Variants in ATP2B2 observed in about 807,000 individuals in gnomAD.
The protein encoded by ATP2B2 is plasma membrane calcium-transporting ATPase 2.
ATP2B2 carries 15 observed loss-of-function variants against 120.0 expected under a neutral mutation model. The observed-to-expected ratio is 0.12, with a 90% CI of 0.08 to 0.19. The LOEUF (loss-of-function observed/expected upper bound fraction) is 0.19, where lower values mean the gene tolerates loss of function less well. Ranked by LOEUF, ATP2B2 falls within the 10% of genes least tolerant of loss-of-function variation. The probability of loss-of-function intolerance (pLI) is 1.00; values close to 1 mark genes in which losing one functional copy is unlikely to be tolerated. For synonymous variants in ATP2B2, 694 were observed against 700.3 expected (o/e 0.99, Z 0.14); for missense variants, 1,045 against 1,719.8 (o/e 0.61, Z 6.94).
intron 1 of ATP2B2, among the ~76,000 whole-genome samples, chr3:10,702,907 C>A (rs112198839): frequency 6.6e-6 from 1 of 152,188 alleles, no homozygotes; most frequent in African/African-American, 2.4e-5. Flanking sequence ...TGTGCATTCC[C>A]CCACTCCCAT....
At position 10,409,075 on chromosome 3, in the gene ATP2B2, C is replaced by A. The variant is rs138758427; in HGVS notation, c.397+1543G>T. 9.2e-5 allele frequency among the ~76,000 whole-genome samples: 14 copies of A among 152,322 alleles called. No homozygotes were observed. In the East Asian group the frequency reaches 2.7e-3, roughly 29 times the overall value. Reference sequence around the variant, plus strand: ...TAAATGGACTTCTATCATAATAGCTCCCAACTAGTGGTAGCTATAAAAATA... The same window carrying A: ...TAAATGGACTTCTATCATAATAGCTACCAACTAGTGGTAGCTATAAAAATA... On this transcript the variant is annotated intron_variant, in intron 3 of 22. Coordinates refer to ENST00000360273, the MANE Select transcript of ATP2B2 (RefSeq NM_001001331.4).
At chr3:10,481,699 G>A (rs939512640) in intron 1 of ATP2B2, among the ~76,000 whole-genome samples, 3 of 152,118 alleles carry the variant, frequency 2.0e-5, no homozygotes, top group East Asian at 1.9e-4. Flanking sequence ...GATTACAGGC[G>A]CCCGCCACCA....
intron 2 of ATP2B2, among the ~76,000 whole-genome samples, chr3:10,560,807 C>G (rs1228691603): frequency 6.6e-6 from 1 of 152,142 alleles, no homozygotes; most frequent in Admixed American, 6.5e-5. Flanking sequence ...GGCCCTCCTG[C>G]AGTTAGATGA....
intron 2 of ATP2B2, among the ~76,000 whole-genome samples, chr3:10,544,881 T>C (rs1431953843): frequency 6.6e-6 from 1 of 152,214 alleles, no homozygotes; most frequent in Non-Finnish European, 1.5e-5. Flanking sequence ...CCTTCCAGAA[T>C]TTGTTTTTCC....
intron 2 of ATP2B2, among the ~76,000 whole-genome samples, chr3:10,443,825 A>G (rs535822798): frequency 3.3e-5 from 5 of 152,308 alleles, no homozygotes; most frequent in Admixed American, 2.0e-4. Flanking sequence ...ATTCTTCTGT[A>G]AAAGCACTTT....
rs371313013 is a variant in ATP2B2, at chr3:10,346,529, G to A, written c.2405-392C>T. Among the ~76,000 whole-genome samples the A allele has an allele frequency of 1.4e-4, 22 of 152,302 alleles. No individual in the cohort carries two copies. Among genetic ancestry groups the A allele is most frequent in the Admixed American group, 6.5e-4 (10 of 15,304 alleles). The stretch of plus-strand genomic sequence containing the variant: ...CAGGACCTCACCATCTGTTCCTCCC[G>A]ACACCACTAGCCAGCACTTTCTCCC... On this transcript the variant is annotated intron_variant, in intron 16 of 22. Coordinates refer to ENST00000360273, the MANE Select transcript of ATP2B2 (RefSeq NM_001001331.4). The surrounding 1 kb of genome is among the most constrained non-coding windows in gnomAD (Gnocchi z 4.1).
At chr3:10,475,432 G>A (rs1193824237) in intron 1 of ATP2B2, among the ~76,000 whole-genome samples, 1 of 152,222 alleles carries the variant, frequency 6.6e-6, no homozygotes, top group Non-Finnish European at 1.5e-5. Context: ...TAAGGGGAGA[G>A]GGACAACTGG....
intron 2 of ATP2B2, among the ~76,000 whole-genome samples, chr3:10,613,717 T>C (rs527262451): frequency 1.2e-4 from 18 of 151,930 alleles, no homozygotes; most frequent in Middle Eastern, 3.4e-3. Context: ...CGGATAATGG[T>C]AACATTCTCC....
At chr3:10,642,686 T>TAAAA (rs141395527) in intron 1 of ATP2B2, among the ~76,000 whole-genome samples, 2 of 125,358 alleles carry the variant, frequency 1.6e-5, no homozygotes, top group Non-Finnish European at 3.3e-5. Flanking sequence ...GAGATTTAGC[T>TAAAA]AAAAAAAAAA....
At chr3:10,681,610 C>T (rs575317730) in intron 1 of ATP2B2, among the ~76,000 whole-genome samples, 91 of 152,358 alleles carry the variant, frequency 6.0e-4, no homozygotes, top group African/African-American at 1.9e-3. Context: ...AAACAGACTT[C>T]ACAACAGGTA....
chr3:10,351,684 G>A (rs2060582493), intron 14 of ATP2B2, among the ~76,000 whole-genome samples: 1 of 152,214 alleles, frequency 6.6e-6, no homozygotes, highest in Non-Finnish European at 1.5e-5. Flanking sequence ...GGTCATTATA[G>A]TGGTAAATCC....
At chr3:10,579,457 G>C (rs973750406) in intron 2 of ATP2B2, among the ~76,000 whole-genome samples, 4 of 152,152 alleles carry the variant, frequency 2.6e-5, no homozygotes, top group Non-Finnish European at 4.4e-5. Context: ...CAGATCCCCT[G>C]AGGTCAGGAG....
intron 3 of ATP2B2, among the ~76,000 whole-genome samples, chr3:10,518,961 A>G (rs1451472252): frequency 6.6e-6 from 1 of 152,234 alleles, no homozygotes; most frequent in Non-Finnish European, 1.5e-5. Flanking sequence ...TGAGATATTC[A>G]TTCTGAGATC....
chr3:10,644,327 T>A (rs138773545), intron 1 of ATP2B2, among the ~76,000 whole-genome samples: 83 of 152,280 alleles, frequency 5.5e-4, no homozygotes, highest in Admixed American at 7.8e-4. Context: ...TAGAAAATGG[T>A]AGCTGCTAAG....
intron 2 of ATP2B2, among the ~76,000 whole-genome samples, chr3:10,602,496 T>C (rs997137080): frequency 3.3e-5 from 5 of 152,204 alleles, no homozygotes; most frequent in African/African-American, 1.2e-4. Flanking sequence ...TGAACACCTC[T>C]GACCTTCTCC....
chr3:10,542,530 C>T lies in ATP2B2; in HGVS notation c.-414-8397G>A, dbSNP rs116185136. ...CAGCCATTCTTTTAGGATAGGTCTTCTGGCAAAAAATTATCTTAGCTTTCC... is the reference window on the plus strand; with the variant it reads ...CAGCCATTCTTTTAGGATAGGTCTTTTGGCAAAAAATTATCTTAGCTTTCC... On this transcript the variant is annotated intron_variant, in intron 2 of 21. Coordinates refer to the ATP2B2 transcript ENST00000646379. Among the ~76,000 whole-genome samples, 253 of 152,248 alleles carry T rather than the reference C, an allele frequency of 1.7e-3. 3 individuals are homozygous for T. Among genetic ancestry groups the T allele is most frequent in the Admixed American group, 6.0e-3 (91 of 15,292 alleles).
Position 10,346,140 on chromosome 3 carries a change from G to A in ATP2B2, c.2405-3C>T, listed in dbSNP as rs376993624. 30 of 1,609,618 alleles carry A rather than the reference G, an allele frequency of 1.9e-5. No homozygotes were observed. In the African/African-American group the frequency reaches 3.6e-4, roughly 19 times the overall value. On this transcript the variant is annotated splice_polypyrimidine_tract_variant and splice_region_variant and intron_variant, in intron 16 of 22. Transcript: ENST00000360273. The surrounding 1 kb of genome is among the most constrained non-coding windows in gnomAD (Gnocchi z 4.1). ...AGTGTGTGTGCTGTCGATGATGCCT[G>A]TTGGGGCAGGAGTGTGCTCAGGCCC...
chr3:10,651,411 G>A (rs2125666316), intron 1 of ATP2B2, among the ~76,000 whole-genome samples: 1 of 152,292 alleles, frequency 6.6e-6, no homozygotes, highest in East Asian at 1.9e-4. Context: ...AGATCTGATG[G>A]TTTTAAAAAG....
Position 10,486,523 on chromosome 3 carries a change from C to T in ATP2B2, c.-320+18942G>A, listed in dbSNP as rs143762813. 3.9e-5 allele frequency among the ~76,000 whole-genome samples: 6 copies of T among 152,208 alleles called. No homozygotes were observed. The East Asian group carries it at 9.7e-4, about 25-fold the overall frequency. Reference sequence around the variant, plus strand: ...AGTCACAACAGCTGGAGTCTTTAAACGTGCCCAGTATGTTCTCACCTCAGG... The same window carrying T: ...AGTCACAACAGCTGGAGTCTTTAAATGTGCCCAGTATGTTCTCACCTCAGG... On this transcript the variant is annotated intron_variant, in intron 1 of 22. Transcript: ENST00000360273.
Sources: gnomAD v4.1 joint callset for allele counts (sites outside exome capture counted in the v4.1 genomes callset) on GRCh38, gnomAD v4.1.1 for gene constraint, Gnocchi (gnomAD v3.1) non-coding constraint, MANE v1.5 for transcripts, NCBI Gene and HGNC (gene_info 2026-07-23, HGNC 2026-07-21) for gene names.